The following MTHFD1L variants were observed in gnomAD, a reference collection of about 807,000 sequenced individuals.
MTHFD1L encodes the protein monofunctional C1-tetrahydrofolate synthase, mitochondrial.
MTHFD1L carries 81 observed loss-of-function variants against 119.5 expected under a neutral mutation model. That is an observed-to-expected ratio of 0.68 (90% CI 0.57 to 0.82). The LOEUF is 0.82. Ranked by LOEUF, MTHFD1L falls within the 40% of genes least tolerant of loss-of-function variation. MTHFD1L has a pLI of 0.00. For missense variants in MTHFD1L, 1,125 were observed against 1,253.4 expected, an observed-to-expected ratio of 0.90 and a Z score of 1.55; for synonymous variants, 430 against 475.2, an observed-to-expected ratio of 0.90 and a Z score of 1.24.
At position 150,956,074 on chromosome 6, in the gene MTHFD1L, A is replaced by T. The variant is rs2128988225; in HGVS notation, c.1803+3A>T. On this transcript the variant is annotated splice_donor_region_variant and intron_variant, in intron 17 of 27. Coordinates refer to ENST00000367321, the MANE Select transcript of MTHFD1L (RefSeq NM_015440.5). Reference sequence around the variant, plus strand: ...CAGAGAAGGGCCATTACCGGCAGGTAGGTGGTGCTTTCTTCCCGGGTGTGG... The same window carrying T: ...CAGAGAAGGGCCATTACCGGCAGGTTGGTGGTGCTTTCTTCCCGGGTGTGG... 1.9e-6 allele frequency: 3 copies of T among 1,613,386 alleles called. No individual in the cohort carries two copies. Among genetic ancestry groups the T allele is most frequent in the Middle Eastern group, 1.7e-4 (1 of 6,056 alleles).
intron 26 of MTHFD1L, among the ~76,000 whole-genome samples, chr6:151,044,366 A>G (rs949124847): frequency 2.0e-5 from 3 of 150,940 alleles, no homozygotes; most frequent in African/African-American, 7.3e-5. Flanking sequence ...CAGTGGCGCA[A>G]TCTCGACTCA....
Position 151,092,438 on chromosome 6 carries a change from A to G in MTHFD1L, c.2848-29A>G, listed in dbSNP as rs982638551. On this transcript the variant is annotated intron_variant, in intron 26 of 27. Coordinates refer to ENST00000367321, the MANE Select transcript of MTHFD1L (RefSeq NM_015440.5). ...TTGTGGCCGCTTTGTAGCATTTGCT[A>G]ATCTGTAACGCTTGGTTTTCTCCCC... 8.3e-6 allele frequency: 13 copies of G among 1,574,992 alleles called. No individual in the cohort carries two copies. The African/African-American group carries it at 1.5e-4, about 18-fold the overall frequency.
At chr6:151,011,310 C>A (rs1478351205) in intron 21 of MTHFD1L, among the ~76,000 whole-genome samples, 1 of 152,190 alleles carries the variant, frequency 6.6e-6, no homozygotes, top group Non-Finnish European at 1.5e-5. Context: ...ATCTGTATAA[C>A]AACTTCTATT....
chr6:150,884,479 T>TA (rs201221893), intron 5 of MTHFD1L, among the ~76,000 whole-genome samples: 1,789 of 152,088 alleles, frequency 0.012, 36 homozygotes, highest in African/African-American at 0.041. Flanking sequence ...AACATTTTTT[T>TA]AAAAAACGAC....
At chr6:150,882,983 C>A in intron 5 of MTHFD1L, 97 bp downstream of exon 5, 1 of 1,188,390 alleles carries the variant, frequency 8.4e-7, no homozygotes, top group Non-Finnish European at 1.2e-6. Context: ...TTTATTTCAA[C>A]TGTGTCAGTA....
In MTHFD1L at chr6:150,936,799, C is replaced by T. The variant is rs1554255081; in HGVS notation, c.1257-5C>T. On this transcript the variant is annotated splice_polypyrimidine_tract_variant and splice_region_variant and intron_variant, in intron 11 of 27. Coordinates refer to ENST00000367321, the MANE Select transcript of MTHFD1L (RefSeq NM_015440.5). ...ATAAAATTCACTTTCTCCCCCCGAA[C>T]TCAGGATCACACCCACCCCTCTTGG... 1 of 1,611,256 alleles carries T rather than the reference C, an allele frequency of 6.2e-7. No homozygotes were observed. Among genetic ancestry groups the T allele is most frequent in the Admixed American group, 1.7e-5 (1 of 59,814 alleles).
chr6:150,880,083 C>T (rs915680068), intron 4 of MTHFD1L, among the ~76,000 whole-genome samples: 5 of 152,076 alleles, frequency 3.3e-5, no homozygotes, highest in Non-Finnish European at 4.4e-5. Flanking sequence ...TCACCTAGAA[C>T]GTTTATCATT....
chr6:151,071,837 AT>A (rs753092094), intron 26 of MTHFD1L, among the ~76,000 whole-genome samples: 1,297 of 107,474 alleles, frequency 0.012, 9 homozygotes, highest in African/African-American at 0.044. Flanking sequence ...GTAAGTACAG[AT>A]TTTTTTTTTT....
At chr6:150,988,999 C>G (rs1450450699) in intron 20 of MTHFD1L, among the ~76,000 whole-genome samples, 2 of 152,230 alleles carry the variant, frequency 1.3e-5, no homozygotes, top group Non-Finnish European at 2.9e-5. Context: ...CTCAGCTTCC[C>G]AAAGTGCTGG....
chr6:151,020,780 G>A (rs1415635114), intron 24 of MTHFD1L, among the ~76,000 whole-genome samples: 2 of 152,166 alleles, frequency 1.3e-5, no homozygotes, highest in African/African-American at 2.4e-5. Context: ...CCTTTCTAAT[G>A]TGACTTTTGA....
intron 11 of MTHFD1L, among the ~76,000 whole-genome samples, chr6:150,928,323 C>G (rs1163099164): frequency 6.7e-6 from 1 of 150,318 alleles, no homozygotes; most frequent in Non-Finnish European, 1.5e-5. Flanking sequence ...GTAGTCCCAG[C>G]TACTCAGGAG....
rs375472349 is a variant in MTHFD1L, at chr6:151,022,961, C to T, written c.2586+7268C>T. 3.3e-5 allele frequency among the ~76,000 whole-genome samples: 5 copies of T among 152,128 alleles called. No individual in the cohort carries two copies. In the East Asian group the frequency reaches 7.7e-4, roughly 24 times the overall value. On this transcript the variant is annotated intron_variant, in intron 24 of 27. Transcript: ENST00000367321. ...CCCATAAGCCTCTTATCCCCTGGCC[C>T]CCTTTCCATGATCCAACCCCAAATC...
chr6:150,922,546 T>C (rs1228563853), intron 10 of MTHFD1L, among the ~76,000 whole-genome samples: 1 of 152,158 alleles, frequency 6.6e-6, no homozygotes, highest in East Asian at 1.9e-4. Context: ...ATGTTTTCTA[T>C]ATTAAATGGC....
chr6:150,977,657 A>G (rs1776777788), intron 20 of MTHFD1L, among the ~76,000 whole-genome samples: 1 of 152,220 alleles, frequency 6.6e-6, no homozygotes, highest in South Asian at 2.1e-4. Context: ...AGGAATTTCA[A>G]ACTTACCCAT....
At chr6:150,969,272 G>A (rs968125623) in intron 19 of MTHFD1L, among the ~76,000 whole-genome samples, 3 of 152,172 alleles carry the variant, frequency 2.0e-5, no homozygotes, top group South Asian at 2.1e-4. Context: ...GTGAGCCACC[G>A]TGCCCGGCCT....
chr6:150,877,822 C>A lies in MTHFD1L; in HGVS notation c.413C>A (p.Ala138Asp), dbSNP rs1780702668. The A allele has an allele frequency of 1.9e-6, 3 of 1,614,118 alleles. No homozygotes were observed. The Admixed American group carries it at 5.0e-5, about 27-fold the overall frequency. ...TGCCTCCCTCCAGATAGCAGTGAAG[C>A]CGAGGTAATAATGGCAGAGCTCTAA... ...HICLPPDSSE[A>D]EIIDEILKIN... Residue 138 changes from alanine (A) to aspartate (D), a missense_variant, in exon 4 of 28, where the codon GCC (alanine) becomes GAC (aspartate). Around this residue, in one of 3 missense-constraint regions of MTHFD1L, gnomAD observed 1,058 missense variants for 1,151.2 expected, o/e 0.92. Transcript: ENST00000367321.
chr6:150,946,095 A>C (rs1370250976), intron 15 of MTHFD1L, among the ~76,000 whole-genome samples: 2 of 152,150 alleles, frequency 1.3e-5, no homozygotes, highest in African/African-American at 4.8e-5. Context: ...AATTTCTAGG[A>C]AATTATAGGA....
At chr6:150,962,175 A>G (rs969022141) in intron 18 of MTHFD1L, among the ~76,000 whole-genome samples, 1 of 151,960 alleles carries the variant, frequency 6.6e-6, no homozygotes, top group Non-Finnish European at 1.5e-5. Flanking sequence ...TTTTTAGTAG[A>G]GATGGGGTTT....
In MTHFD1L at chr6:151,009,952, G is replaced by C; in HGVS notation, c.2259G>C (p.Gly753=). The C allele has an allele frequency of 6.2e-7, 1 of 1,603,486 alleles. No homozygotes were observed. Residue 753 remains glycine, a synonymous_variant, in exon 21 of 28, where the codon GGG becomes GGC. Coordinates refer to ENST00000367321, the MANE Select transcript of MTHFD1L (RefSeq NM_015440.5). ...TVRALKMHGG[G]PSVTAGVPLK... ...GAGCTCTGAAGATGCATGGAGGCGG[G>C]CCAAGTGTAAGTGCCCACACCGCCT...
Sources: gnomAD v4.1 joint callset for allele counts (sites outside exome capture counted in the v4.1 genomes callset) on GRCh38, gnomAD v4.1.1 for gene constraint, gnomAD v4.1.1 regional missense constraint, MANE v1.5 for transcripts, NCBI Gene and HGNC (gene_info 2026-07-23, HGNC 2026-07-21) for gene names.